IGFBP7: variants seen among roughly 807,000 people sequenced by gnomAD.
IGFBP7 encodes insulin-like growth factor-binding protein 7.
A neutral mutation model predicts 29.4 loss-of-function variants in IGFBP7; 31 were observed. That is an observed-to-expected ratio of 1.05 (90% confidence interval 0.79 to 1.42). The LOEUF (loss-of-function observed/expected upper bound fraction) is 1.42, where lower values mean the gene tolerates loss of function less well. IGFBP7 is among the 40% of genes most tolerant of loss of function. IGFBP7 has a pLI of 0.00. For synonymous variants in IGFBP7, 172 were observed against 174.9 expected (o/e 0.98, Z 0.13); for missense variants, 393 against 395.5 (o/e 0.99, Z 0.05).
intron 1 of IGFBP7, among the ~76,000 whole-genome samples, chr4:57,047,210 C>T (rs576842791): frequency 1.3e-5 from 2 of 152,278 alleles, no homozygotes; most frequent in South Asian, 4.2e-4. Flanking sequence ...GTGCTGTTCT[C>T]GTAATAGCGA....
intron 1 of IGFBP7, among the ~76,000 whole-genome samples, chr4:57,106,908 A>G (rs1024535578): frequency 2.6e-5 from 4 of 152,198 alleles, no homozygotes; most frequent in Non-Finnish European, 4.4e-5. Context: ...CAGGGACCTC[A>G]ATACAATCTA....
chr4:57,068,896 TA>T (rs1408916545), intron 1 of IGFBP7, among the ~76,000 whole-genome samples: 2 of 151,836 alleles, frequency 1.3e-5, no homozygotes, highest in African/African-American at 2.4e-5. Context: ...TTTTTTACAA[TA>T]AAAGCTAATT....
At chr4:57,108,832 C>T (rs1321739319) in intron 1 of IGFBP7, among the ~76,000 whole-genome samples, 1 of 152,126 alleles carries the variant, frequency 6.6e-6, no homozygotes, top group Non-Finnish European at 1.5e-5. Flanking sequence ...CAGACGTGAG[C>T]CAACCCACCC....
intron 1 of IGFBP7, among the ~76,000 whole-genome samples, chr4:57,081,757 A>C (rs2109786760): frequency 6.6e-6 from 1 of 152,276 alleles, no homozygotes; most frequent in Middle Eastern, 3.4e-3. Flanking sequence ...ATTTTAAAAC[A>C]AAGCCCCAGC....
At chr4:57,034,864 T>C (rs570942496) in intron 2 of IGFBP7, among the ~76,000 whole-genome samples, 1 of 152,338 alleles carries the variant, frequency 6.6e-6, no homozygotes, top group South Asian at 2.1e-4. Flanking sequence ...CCACGTAACT[T>C]AATGTCTTTC....
Position 57,031,291 on chromosome 4 carries a change from A to G in IGFBP7, c.*26T>C, listed in dbSNP as rs769179242. ...TAGTTATCCATGACTACTTTTAACC[A>G]TGCAGACTAATAATATTCTGGAGGT... On this transcript the variant is annotated 3_prime_UTR_variant, in exon 5 of 5. Coordinates refer to ENST00000295666, the MANE Select transcript of IGFBP7 (RefSeq NM_001553.3). The G allele has an allele frequency of 1.2e-5, 19 of 1,591,724 alleles. No individual in the cohort carries two copies. The highest frequency in any genetic ancestry group is 2.7e-5 in the African/African-American group (2 of 74,512).
At chr4:57,092,486 A>G (rs67057259) in intron 1 of IGFBP7, among the ~76,000 whole-genome samples, 17,563 of 152,084 alleles carry the variant, frequency 0.12, 1,160 homozygotes, top group Middle Eastern at 0.19. Flanking sequence ...TACAACTCTC[A>G]ATGGTCTCTA....
chr4:57,068,916 C>A (rs909270051), intron 1 of IGFBP7, among the ~76,000 whole-genome samples: 8 of 152,038 alleles, frequency 5.3e-5, no homozygotes, highest in Non-Finnish European at 8.8e-5. Context: ...TTCTGTGAAG[C>A]TTTCCATGGC....
intron 1 of IGFBP7, among the ~76,000 whole-genome samples, chr4:57,078,136 G>A (rs1283778488): frequency 6.6e-6 from 1 of 151,608 alleles, no homozygotes; most frequent in Non-Finnish European, 1.5e-5. Context: ...CCACCCAACT[G>A]TGGCCACGGT....
At chr4:57,101,361 C>T (rs1249342749) in intron 1 of IGFBP7, among the ~76,000 whole-genome samples, 1 of 152,068 alleles carries the variant, frequency 6.6e-6, no homozygotes, top group Non-Finnish European at 1.5e-5. Context: ...TGAAATGAAC[C>T]TTTCTTATTT....
chr4:57,098,544 G>A (rs550832590), intron 1 of IGFBP7, among the ~76,000 whole-genome samples: 22 of 152,204 alleles, frequency 1.4e-4, no homozygotes, highest in South Asian at 1.2e-3. Context: ...CAACTTTTCC[G>A]TCCTGCTCTG....
intron 1 of IGFBP7, among the ~76,000 whole-genome samples, chr4:57,078,090 C>G (rs1006815896): frequency 7.2e-5 from 11 of 152,068 alleles, no homozygotes; most frequent in Non-Finnish European, 1.2e-4. Context: ...TTACTCTTTT[C>G]CCCCCTCAAC....
rs565440898 is a variant in IGFBP7 at position 57,099,690 on chromosome 4, C to T, written c.475+10187G>A. On this transcript the variant is annotated intron_variant, in intron 1 of 4. Coordinates refer to ENST00000295666, the MANE Select transcript of IGFBP7 (RefSeq NM_001553.3). ...CAGCAGCCCTAGCACACTCGCTGAT[C>T]CTTCAAGAACCTCTGGATTGCAACT... Among the ~76,000 whole-genome samples the T allele has an allele frequency of 3.3e-5, 5 of 152,306 alleles. No homozygotes were observed. The East Asian group carries it at 9.6e-4, about 29-fold the overall frequency.
At chr4:57,032,665 AAAGG>A in intron 3 of IGFBP7, 113 bp from the exon 4 acceptor site, 1 of 846,274 alleles carries the variant, frequency 1.2e-6, no homozygotes, top group Admixed American at 1.8e-5. Context: ...GATTCATAGC[AAAGG>A]TACTGCTAGA....
At chr4:57,040,128 G>C (rs11573114) in intron 2 of IGFBP7, among the ~76,000 whole-genome samples, 1 of 151,746 alleles carries the variant, frequency 6.6e-6, no homozygotes, top group Non-Finnish European at 1.5e-5. Context: ...CTAACTTATG[G>C]TTCTACAGCC....
intron 1 of IGFBP7, among the ~76,000 whole-genome samples, chr4:57,107,696 G>T (rs1270727642): frequency 6.6e-6 from 1 of 152,144 alleles, no homozygotes; most frequent in Non-Finnish European, 1.5e-5. Context: ...TTAAGTCAAG[G>T]TTTCCAGTTT....
At chr4:57,067,093 A>T (rs1022520937) in intron 1 of IGFBP7, among the ~76,000 whole-genome samples, 1 of 152,150 alleles carries the variant, frequency 6.6e-6, no homozygotes, top group African/African-American at 2.4e-5. Context: ...ATGGATGGAC[A>T]GTTATTTATT....
chr4:57,086,931 A>T (rs1223172239), intron 1 of IGFBP7, among the ~76,000 whole-genome samples: 1 of 152,018 alleles, frequency 6.6e-6, no homozygotes, highest in African/African-American at 2.4e-5. Context: ...ACTGGGTTTC[A>T]CCATGTTGGC....
rs944115958 is a variant in IGFBP7, at chr4:57,108,209, T to A, written c.475+1668A>T. ...TGATGATACTATAAATAGTTACTAG[T>A]GAGTTACACAATTTAAGGCTTTCAA... On this transcript the variant is annotated intron_variant, in intron 1 of 4. Transcript: ENST00000295666. Among the ~76,000 whole-genome samples, 5 of 152,392 alleles carry A rather than the reference T, an allele frequency of 3.3e-5. No homozygotes were observed. In the East Asian group the frequency reaches 9.6e-4, roughly 29 times the overall value.
Sources: allele counts gnomAD v4.1 joint callset (sites outside exome capture counted in the v4.1 genomes callset), GRCh38; gene constraint gnomAD v4.1.1; transcripts MANE v1.5; gene names NCBI Gene and HGNC (gene_info 2026-07-23, HGNC 2026-07-21).